SNX29: variants seen among roughly 807,000 people sequenced by gnomAD.
SNX29 encodes sorting nexin-29.
Under a neutral mutation model 102.1 loss-of-function variants are expected in SNX29, and 78 were observed. The observed-to-expected ratio is 0.76, with a 90% CI of 0.64 to 0.92. The LOEUF is 0.92. Among genes scored for constraint, SNX29 ranks in the 40% least tolerant of loss-of-function variants. The pLI is 0.00. For missense variants in SNX29, 1,280 were observed against 1,061.7 expected (o/e 1.21, Z -2.86); for synonymous variants, 580 against 414.5 (o/e 1.40, Z -4.85).
chr16:12,046,263 C>A, intron 5 of SNX29, 121 bp from the exon 6 acceptor site: 2 of 924,246 alleles, frequency 2.2e-6, no homozygotes, highest in South Asian at 2.9e-5. Context: ...TCAGACAAAT[C>A]ATATCCCTCT....
At chr16:12,005,282 G>C (rs943122303) in intron 3 of SNX29, among the ~76,000 whole-genome samples, 1 of 152,194 alleles carries the variant, frequency 6.6e-6, no homozygotes, top group Non-Finnish European at 1.5e-5. Flanking sequence ...TCCAAGGTCT[G>C]CTTGCATCAG....
At chr16:12,228,396 C>G (rs1407930660) in intron 14 of SNX29, among the ~76,000 whole-genome samples, 3 of 152,350 alleles carry the variant, frequency 2.0e-5, no homozygotes, top group Non-Finnish European at 4.4e-5. Flanking sequence ...AGTTGGCACT[C>G]GAGGTCAGGT....
chr16:12,555,792 C>G (rs1024957603), intron 20 of SNX29, among the ~76,000 whole-genome samples: 2 of 152,008 alleles, frequency 1.3e-5, no homozygotes, highest in Non-Finnish European at 2.9e-5. Context: ...CAGGCAGGCA[C>G]ACTCCTGCCT....
At chr16:12,497,042 A>T (rs985856880) in intron 19 of SNX29, among the ~76,000 whole-genome samples, 1 of 152,154 alleles carries the variant, frequency 6.6e-6, no homozygotes, top group African/African-American at 2.4e-5. Flanking sequence ...AACAGGTAGC[A>T]TGGTAATGGT....
At chr16:12,335,321 A>G (rs553174757) in intron 15 of SNX29, among the ~76,000 whole-genome samples, 1 of 152,202 alleles carries the variant, frequency 6.6e-6, no homozygotes, top group South Asian at 2.1e-4. Context: ...TGCTGGGAGT[A>G]TAAGAATTCA....
At chr16:12,392,777 C>G (rs1409165652) in intron 16 of SNX29, among the ~76,000 whole-genome samples, 1 of 152,140 alleles carries the variant, frequency 6.6e-6, no homozygotes, top group Admixed American at 6.5e-5. Context: ...ACAACAAAAG[C>G]CACAGAGATA....
chr16:12,232,784 G>A (rs1311049258), intron 14 of SNX29, among the ~76,000 whole-genome samples: 1 of 152,186 alleles, frequency 6.6e-6, no homozygotes, highest in Non-Finnish European at 1.5e-5. Context: ...GAGAGGGCTG[G>A]AAAGGAGATG....
chr16:11,978,366 C>A (rs935506812), intron 1 of SNX29, among the ~76,000 whole-genome samples: 5 of 152,216 alleles, frequency 3.3e-5, no homozygotes, highest in African/African-American at 1.2e-4. Flanking sequence ...TTGGCCCTGC[C>A]ACATAAACCT....
At chr16:11,980,279 T>A (rs1489558654) in intron 1 of SNX29, among the ~76,000 whole-genome samples, 1 of 152,208 alleles carries the variant, frequency 6.6e-6, no homozygotes, top group Admixed American at 6.6e-5. Context: ...ACCTCTCTTA[T>A]CTGGCTTTTT....
chr16:11,992,852 C>T (rs541718381), intron 1 of SNX29, among the ~76,000 whole-genome samples: 2 of 152,222 alleles, frequency 1.3e-5, no homozygotes, highest in East Asian at 3.9e-4. Context: ...GGAGAGACAG[C>T]GAAATACCAC....
intron 11 of SNX29, chr16:12,093,872 C>T (rs1020926393): frequency 2.6e-5 from 4 of 152,214 alleles, no homozygotes; most frequent in Non-Finnish European, 1.5e-5. Context: ...TTTCACGACT[C>T]TCCTTCAGAG....
intron 18 of SNX29, among the ~76,000 whole-genome samples, chr16:12,476,256 G>C (rs1444675996): frequency 4.1e-5 from 6 of 145,464 alleles, no homozygotes; most frequent in Non-Finnish European, 9.0e-5. Context: ...TGGAGGTGGA[G>C]GTTGCTGAGA....
intron 16 of SNX29, among the ~76,000 whole-genome samples, chr16:12,371,647 C>T (rs966903544): frequency 3.9e-5 from 6 of 152,190 alleles, no homozygotes; most frequent in African/African-American, 1.2e-4. Flanking sequence ...CCTTTCGTTT[C>T]TCCTGTCCAG....
intron 14 of SNX29, among the ~76,000 whole-genome samples, chr16:12,213,886 G>A (rs1596525923): frequency 6.6e-6 from 1 of 152,194 alleles, no homozygotes; most frequent in Non-Finnish European, 1.5e-5. Context: ...GATGAATACT[G>A]GGTAGGCAGC....
At chr16:12,187,642 A>T (rs952041645) in intron 13 of SNX29, among the ~76,000 whole-genome samples, 1 of 151,246 alleles carries the variant, frequency 6.6e-6, no homozygotes, top group African/African-American at 2.4e-5. Context: ...ACAATTTTCT[A>T]TTTCATAGTA....
intron 18 of SNX29, among the ~76,000 whole-genome samples, chr16:12,423,398 G>A (rs2084942414): frequency 6.6e-6 from 1 of 152,116 alleles, no homozygotes; most frequent in African/African-American, 2.4e-5. Context: ...TTCCAGATGA[G>A]GAAGCTGCAG....
At chr16:12,412,961 C>G (rs535369217) in intron 18 of SNX29, among the ~76,000 whole-genome samples, 2 of 152,250 alleles carry the variant, frequency 1.3e-5, no homozygotes, top group Non-Finnish European at 2.9e-5. Flanking sequence ...CCTTTCCTGA[C>G]TCCTTCTGCG....
intron 19 of SNX29, among the ~76,000 whole-genome samples, chr16:12,523,218 C>T (rs2090165301): frequency 6.6e-6 from 1 of 152,172 alleles, no homozygotes; most frequent in Non-Finnish European, 1.5e-5. Context: ...TCTGTGCCTG[C>T]ACAGGGAGAG....
At chr16:12,192,175 G>T (rs1270315580) in intron 13 of SNX29, among the ~76,000 whole-genome samples, 1 of 152,166 alleles carries the variant, frequency 6.6e-6, no homozygotes, top group Admixed American at 6.5e-5. Flanking sequence ...AATTATTGCA[G>T]TCGTTGGAAG....
Sources: gnomAD v4.1 joint callset for allele counts (sites outside exome capture counted in the v4.1 genomes callset) on GRCh38, gnomAD v4.1.1 for gene constraint, MANE v1.5 for transcripts, NCBI Gene and HGNC (gene_info 2026-07-23, HGNC 2026-07-21) for gene names.